MEMO1: variants seen among roughly 807,000 people sequenced by gnomAD.
The protein encoded by MEMO1 is mediator of cell motility 1.
Under a neutral mutation model 45.2 loss-of-function variants are expected in MEMO1, and 6 were observed. That is an observed-to-expected ratio of 0.13 (90% CI 0.07 to 0.26). The LOEUF is 0.26. Among genes scored for constraint, MEMO1 ranks in the 10% least tolerant of loss-of-function variants. The pLI is 1.00. For missense variants in MEMO1, 184 were observed against 370.5 expected (o/e 0.50, Z 4.13); for synonymous variants, 78 against 124.3 (o/e 0.63, Z 2.48).
intron 2 of MEMO1, among the ~76,000 whole-genome samples, chr2:31,992,285 A>G (rs1461278044): frequency 6.6e-6 from 1 of 152,206 alleles, no homozygotes; most frequent in Non-Finnish European, 1.5e-5. Flanking sequence ...ATTCACTTAC[A>G]TATTAACTAT....
At chr2:31,999,209 T>C (rs1263142058) in intron 2 of MEMO1, among the ~76,000 whole-genome samples, 1 of 152,182 alleles carries the variant, frequency 6.6e-6, no homozygotes, top group Non-Finnish European at 1.5e-5. Flanking sequence ...ATTACTCCTT[T>C]CCTCCTAACT....
chr2:31,873,187 T>C (rs2147883875), intron 8 of MEMO1, among the ~76,000 whole-genome samples: 1 of 152,258 alleles, frequency 6.6e-6, no homozygotes, highest in East Asian at 1.9e-4. Context: ...AGGCCTAGTA[T>C]AGTGAAAATT....
At chr2:32,007,861 T>C (rs1193814047) in intron 2 of MEMO1, among the ~76,000 whole-genome samples, 2 of 152,212 alleles carry the variant, frequency 1.3e-5, no homozygotes, top group African/African-American at 4.8e-5. Flanking sequence ...TCATTTATTT[T>C]TAAAATACAA....
chr2:31,907,893 ATTAAC>A (rs1263229847), intron 6 of MEMO1, among the ~76,000 whole-genome samples: 1 of 152,156 alleles, frequency 6.6e-6, no homozygotes, highest in Non-Finnish European at 1.5e-5. Flanking sequence ...AATGAGTTTC[ATTAAC>A]TTATTTATTT....
chr2:31,870,254 CATA>C (rs752444531), intron 8 of MEMO1, among the ~76,000 whole-genome samples: 19 of 152,130 alleles, frequency 1.2e-4, no homozygotes, highest in Non-Finnish European at 2.5e-4. Flanking sequence ...TCAAACATTT[CATA>C]ATATTATATC....
chr2:31,919,286 A>C (rs1681925072), intron 5 of MEMO1, among the ~76,000 whole-genome samples: 1 of 151,548 alleles, frequency 6.6e-6, no homozygotes, highest in Non-Finnish European at 1.5e-5. Context: ...GCCCTCCCCC[A>C]ACCTACAGCT....
intron 2 of MEMO1, among the ~76,000 whole-genome samples, chr2:31,948,592 T>G (rs939562073): frequency 1.3e-5 from 2 of 152,174 alleles, no homozygotes; most frequent in Non-Finnish European, 2.9e-5. Context: ...GGATCTCTGA[T>G]TTTCACAGGC....
At chr2:31,986,082 C>T (rs897258453) in intron 2 of MEMO1, among the ~76,000 whole-genome samples, 3 of 152,036 alleles carry the variant, frequency 2.0e-5, no homozygotes, top group South Asian at 2.1e-4. Context: ...CTCACTACTG[C>T]CTATTGTTTT....
At chr2:31,981,420 A>C (rs930915223) in intron 2 of MEMO1, among the ~76,000 whole-genome samples, 1 of 152,188 alleles carries the variant, frequency 6.6e-6, no homozygotes, top group African/African-American at 2.4e-5. Context: ...TTAAAACCTA[A>C]ACAATATATT....
chr2:31,888,333 TA>T (rs1056485587), intron 7 of MEMO1, among the ~76,000 whole-genome samples: 3 of 152,122 alleles, frequency 2.0e-5, no homozygotes, highest in African/African-American at 7.2e-5. Context: ...ATATTTTCAC[TA>T]AATCCAATTT....
chr2:31,948,337 T>C (rs1461275805), intron 2 of MEMO1, among the ~76,000 whole-genome samples: 1 of 152,216 alleles, frequency 6.6e-6, no homozygotes, highest in Non-Finnish European at 1.5e-5. Flanking sequence ...CACAACTTTT[T>C]CCATTTTTTT....
At chr2:31,990,571 C>CTTTTT (rs34456440) in intron 2 of MEMO1, among the ~76,000 whole-genome samples, 2 of 119,996 alleles carry the variant, frequency 1.7e-5, no homozygotes, top group Non-Finnish European at 3.5e-5. Flanking sequence ...AATTTTTTTT[C>CTTTTT]TTTTTTTTTT....
chr2:31,895,233 G>C lies in MEMO1; in HGVS notation c.438-3099C>G, dbSNP rs182587290. 2.1e-3 allele frequency among the ~76,000 whole-genome samples: 318 copies of C among 152,212 alleles called. 1 individual carries two copies. Among genetic ancestry groups the C allele is most frequent in the Non-Finnish European group, 3.6e-3 (248 of 67,998 alleles). ...CAAAAGAAATTATAAGTCATGCAAA[G>C]AAACAGCAAACTATGACCCATATTC... On this transcript the variant is annotated intron_variant, in intron 6 of 9. Coordinates refer to ENST00000404530, the MANE Select transcript of MEMO1 (RefSeq NM_001301833.4).
intron 6 of MEMO1, among the ~76,000 whole-genome samples, chr2:31,915,280 A>AG (rs1681264270): frequency 1.3e-5 from 2 of 152,238 alleles, no homozygotes; most frequent in Non-Finnish European, 2.9e-5. Flanking sequence ...CTGGGTGTAT[A>AG]TGACATGTTA....
chr2:31,901,963 G>C (rs1277787816), intron 6 of MEMO1, among the ~76,000 whole-genome samples: 1 of 149,358 alleles, frequency 6.7e-6, no homozygotes, highest in African/African-American at 2.5e-5. Context: ...CAACTCTGTA[G>C]ATTTACTAAA....
At chr2:31,995,400 G>A (rs1282768265) in intron 2 of MEMO1, among the ~76,000 whole-genome samples, 1 of 152,126 alleles carries the variant, frequency 6.6e-6, no homozygotes, top group Non-Finnish European at 1.5e-5. Flanking sequence ...GTTGCAGTGA[G>A]CCAAGATTGC....
intron 3 of MEMO1, among the ~76,000 whole-genome samples, chr2:31,942,714 G>A (rs1330057298): frequency 6.6e-6 from 1 of 152,020 alleles, no homozygotes; most frequent in African/African-American, 2.4e-5. Flanking sequence ...TAGAGATGGA[G>A]TCTCACCATG....
At chr2:31,895,177 A>C (rs776299955) in intron 6 of MEMO1, among the ~76,000 whole-genome samples, 32 of 152,226 alleles carry the variant, frequency 2.1e-4, no homozygotes, top group Non-Finnish European at 4.0e-4. Context: ...ATCCAAAGTT[A>C]CTATAACATA....
chr2:31,916,237 T>A (rs569726564), intron 6 of MEMO1, among the ~76,000 whole-genome samples: 2 of 152,162 alleles, frequency 1.3e-5, no homozygotes, highest in Non-Finnish European at 2.9e-5. Context: ...TTGGGTTTGT[T>A]TGTTTGTTTG....
Sources: gnomAD v4.1 joint callset for allele counts (sites outside exome capture counted in the v4.1 genomes callset) on GRCh38, gnomAD v4.1.1 for gene constraint, MANE v1.5 for transcripts, NCBI Gene and HGNC (gene_info 2026-07-23, HGNC 2026-07-21) for gene names.